The following DIS3L2 variants were observed in gnomAD, a reference collection of about 807,000 sequenced individuals.
DIS3L2 encodes DIS3 like 3'-5' exoribonuclease 2.
In DIS3L2, 34 loss-of-function variants were observed where a neutral mutation model predicts 97.5. The observed-to-expected ratio is 0.35, with a 90% CI of 0.27 to 0.46. The LOEUF is 0.46. Ranked by LOEUF, DIS3L2 falls within the 20% of genes least tolerant of loss-of-function variation. The pLI, the probability that DIS3L2 is intolerant of heterozygous loss-of-function variation, is 1.00. For synonymous variants in DIS3L2, 435 were observed against 445.2 expected (o/e 0.98, Z 0.29); for missense variants, 1,038 against 1,146.0 (o/e 0.91, Z 1.36).
At chr2:232,316,313 T>C (rs1279983425) in intron 14 of DIS3L2, among the ~76,000 whole-genome samples, 2 of 152,132 alleles carry the variant, frequency 1.3e-5, no homozygotes, top group East Asian at 1.9e-4. Context: ...TACGATTATG[T>C]CCTGTTCTTT....
intron 5 of DIS3L2, among the ~76,000 whole-genome samples, chr2:232,040,133 G>A (rs1395337162): frequency 6.6e-6 from 1 of 152,164 alleles, no homozygotes; most frequent in Non-Finnish European, 1.5e-5. Context: ...ACTTCATAGA[G>A]GTTACATTAG....
At chr2:232,109,450 AAAAT>A (rs1697458017) in intron 6 of DIS3L2, among the ~76,000 whole-genome samples, 1 of 152,072 alleles carries the variant, frequency 6.6e-6, no homozygotes, top group South Asian at 2.1e-4. Context: ...CAAAAAGATA[AAAAT>A]AAATAAATAA....
At chr2:232,239,468 C>T (rs1205723150) in intron 11 of DIS3L2, among the ~76,000 whole-genome samples, 1 of 152,200 alleles carries the variant, frequency 6.6e-6, no homozygotes, top group Non-Finnish European at 1.5e-5. Context: ...TCTCTTCTTT[C>T]CCTTCTCTGA....
intron 9 of DIS3L2, among the ~76,000 whole-genome samples, chr2:232,167,598 C>T (rs893681754): frequency 5.9e-5 from 9 of 152,160 alleles, no homozygotes; most frequent in Admixed American, 1.3e-4. Flanking sequence ...CAGTCCTATT[C>T]GCCAATTATA....
chr2:232,145,896 A>G (rs1690202668), intron 8 of DIS3L2, among the ~76,000 whole-genome samples: 1 of 152,202 alleles, frequency 6.6e-6, no homozygotes, highest in Non-Finnish European at 1.5e-5. Context: ...TATTCTTTTT[A>G]TGGATGATCC....
intron 5 of DIS3L2, among the ~76,000 whole-genome samples, chr2:232,076,205 T>A (rs1324219829): frequency 6.6e-6 from 1 of 152,190 alleles, no homozygotes; most frequent in Non-Finnish European, 1.5e-5. Context: ...AGAATTTGCA[T>A]TTTCTTATCT....
At position 232,263,275 on chromosome 2, in the gene DIS3L2, G is replaced by A. The variant is rs1559181230; in HGVS notation, c.1494G>A (p.Gln498=). 1.2e-6 allele frequency: 2 copies of A among 1,614,188 alleles called. No homozygotes were observed. The highest frequency in any genetic ancestry group is 1.3e-5 in the African/African-American group (1 of 75,062). The change falls in exon 13 of 21, where the codon CAG becomes CAA. Residue 498 remains glutamine, a synonymous_variant. Coordinates refer to ENST00000325385, the MANE Select transcript of DIS3L2 (RefSeq NM_152383.5). ...SCTKLSYEHA[Q]SMIESPTEKI... is the part of the protein sequence containing the mutation. ...CCAAACTTAGCTACGAGCATGCACA[G>A]AGCATGATTGAAAGCCCAACTGAGA...
intron 10 of DIS3L2, among the ~76,000 whole-genome samples, chr2:232,211,883 CAG>C (rs915408591): frequency 6.6e-6 from 1 of 152,080 alleles, no homozygotes; most frequent in Non-Finnish European, 1.5e-5. Flanking sequence ...TTTTTAGAGA[CAG>C]AGTATCACTC....
chr2:231,986,644 C>G (rs1215088099), intron 1 of DIS3L2, among the ~76,000 whole-genome samples: 1 of 152,170 alleles, frequency 6.6e-6, no homozygotes, highest in East Asian at 1.9e-4. Context: ...CTTAAGACAG[C>G]TCTACAAAGA....
At chr2:232,126,302 G>A (rs181876154) in intron 6 of DIS3L2, among the ~76,000 whole-genome samples, 33 of 152,294 alleles carry the variant, frequency 2.2e-4, no homozygotes, top group African/African-American at 5.5e-4. Flanking sequence ...AGTATATTCC[G>A]TAGAGAATAG....
intron 13 of DIS3L2, among the ~76,000 whole-genome samples, chr2:232,279,780 C>T (rs554631008): frequency 2.0e-5 from 3 of 152,280 alleles, no homozygotes; most frequent in East Asian, 3.9e-4. Flanking sequence ...CTGTCCACCT[C>T]GGCCTCCCAA....
At chr2:232,314,436 C>T (rs536183905) in intron 14 of DIS3L2, among the ~76,000 whole-genome samples, 8 of 151,464 alleles carry the variant, frequency 5.3e-5, no homozygotes, top group Admixed American at 1.3e-4. Context: ...GAGCAGGCCC[C>T]GGAGGCCTCA....
chr2:232,072,830 TTGAG>T (rs1169148000), intron 5 of DIS3L2, among the ~76,000 whole-genome samples: 1 of 116,488 alleles, frequency 8.6e-6, no homozygotes, highest in Non-Finnish European at 1.8e-5. Flanking sequence ...TGCTGTGTGT[TTGAG>T]AGAAGGGGAG....
intron 8 of DIS3L2, among the ~76,000 whole-genome samples, chr2:232,138,766 A>G (rs774127747): frequency 6.6e-6 from 1 of 152,192 alleles, no homozygotes; most frequent in Non-Finnish European, 1.5e-5. Flanking sequence ...GCTTCCACAT[A>G]AACTATCCCT....
At chr2:232,197,792 C>A (rs1271152018) in intron 9 of DIS3L2, among the ~76,000 whole-genome samples, 1 of 151,826 alleles carries the variant, frequency 6.6e-6, no homozygotes, top group Non-Finnish European at 1.5e-5. Context: ...CATGGTGAAA[C>A]CCCGTCTCTA....
intron 9 of DIS3L2, among the ~76,000 whole-genome samples, chr2:232,204,091 C>G (rs1161642799): frequency 6.6e-6 from 1 of 152,064 alleles, no homozygotes; most frequent in Non-Finnish European, 1.5e-5. Flanking sequence ...CTTTAAGATG[C>G]TTAATCTGGC....
chr2:232,030,982 TG>T (rs563615714), intron 5 of DIS3L2, among the ~76,000 whole-genome samples: 182 of 152,308 alleles, frequency 1.2e-3, no homozygotes, highest in African/African-American at 4.2e-3. Flanking sequence ...ACTAAAAGTA[TG>T]GGCTTTTAGG....
At chr2:231,988,070 C>T (rs1049770535) in intron 1 of DIS3L2, among the ~76,000 whole-genome samples, 26 of 152,098 alleles carry the variant, frequency 1.7e-4, no homozygotes, top group African/African-American at 5.8e-4. Flanking sequence ...CTCCAACTCC[C>T]GATCTCAGGT....
At chr2:232,318,695 A>C (rs899113106) in intron 14 of DIS3L2, among the ~76,000 whole-genome samples, 1 of 152,050 alleles carries the variant, frequency 6.6e-6, no homozygotes, top group Non-Finnish European at 1.5e-5. Flanking sequence ...GTAGGCCCCA[A>C]CCCACCCCAG....
Sources: allele counts gnomAD v4.1 joint callset (sites outside exome capture counted in the v4.1 genomes callset), GRCh38; gene constraint gnomAD v4.1.1; transcripts MANE v1.5; gene names NCBI Gene and HGNC (gene_info 2026-07-23, HGNC 2026-07-21).